Variants in CCDC149 observed in about 807,000 individuals in gnomAD.
CCDC149 encodes the protein coiled-coil domain-containing protein 149.
CCDC149 carries 45 observed loss-of-function variants against 59.9 expected under a neutral mutation model. The ratio of observed to expected loss-of-function variants is 0.75; its 90% CI spans 0.59 to 0.96. The LOEUF (loss-of-function observed/expected upper bound fraction) is 0.96. Ranked by LOEUF, CCDC149 falls within the 40% of genes least tolerant of loss-of-function variation. CCDC149 has a pLI of 0.00. For synonymous variants in CCDC149, 245 were observed against 260.6 expected, an observed-to-expected ratio of 0.94 and a Z score of 0.58; for missense variants, 584 against 664.7, an observed-to-expected ratio of 0.88 and a Z score of 1.33.
At chr4:24,820,058 A>G (rs997368278) in intron 11 of CCDC149, 83 bp from the exon 12 acceptor site, 1 of 959,968 alleles carries the variant, frequency 1.0e-6, no homozygotes, top group Non-Finnish European at 1.6e-6. Flanking sequence ...TAATCGGCAC[A>G]GGGCTGGCTA....
chr4:24,925,917 G>T (rs1025300685), intron 1 of CCDC149, among the ~76,000 whole-genome samples: 1 of 152,106 alleles, frequency 6.6e-6, no homozygotes, highest in Non-Finnish European at 1.5e-5. Context: ...ATTCTTGGCC[G>T]GGCATGGTGG....
chr4:24,916,789 T>G (rs987206586), upstream of CCDC149, among the ~76,000 whole-genome samples: 2 of 109,198 alleles, frequency 1.8e-5, no homozygotes, highest in African/African-American at 8.7e-5. Flanking sequence ...TTTATAATGG[T>G]GTGTGTGTGT....
rs1560264782 is a variant in CCDC149 at position 24,943,891 on chromosome 4, AG to A, written c.-65+36177del. Among the ~76,000 whole-genome samples the A allele has an allele frequency of 2.0e-5, 3 of 152,242 alleles. 1 individual carries two copies. In the East Asian group the frequency reaches 5.8e-4, roughly 29 times the overall value. On this transcript the variant is annotated intron_variant, in intron 1 of 12. Transcript: ENST00000389609. ...CCAGTTAGAATGGTGATCATTAAAAAGTCAGGAAACAGGTGCTGGAGAGGAT... is the reference window on the plus strand; with the variant it reads ...CCAGTTAGAATGGTGATCATTAAAAATCAGGAAACAGGTGCTGGAGAGGAT...
chr4:24,911,875 T>C (rs913345363), intron 1 of CCDC149, among the ~76,000 whole-genome samples: 1 of 152,228 alleles, frequency 6.6e-6, no homozygotes, highest in Admixed American at 6.5e-5. Flanking sequence ...CGATACACTC[T>C]GCATTGTGTG....
At chr4:24,912,661 C>G (rs910710879) in intron 1 of CCDC149, among the ~76,000 whole-genome samples, 156 bp downstream of exon 1, 4 of 152,104 alleles carry the variant, frequency 2.6e-5, no homozygotes, top group South Asian at 4.1e-4. Context: ...GGAGGAGCGG[C>G]GCACCTGGCG....
In CCDC149 at chr4:24,933,549, A is replaced by G. The variant is rs569559685; in HGVS notation, c.-64-38431T>C. The stretch of plus-strand genomic sequence containing the variant: ...GGGTTCTTAGTATTTATTTTATTCA[A>G]GAAATATTTATTAAGTCCTGAAATA... On this transcript the variant is annotated intron_variant, in intron 1 of 12. Transcript: ENST00000389609. 4.6e-5 allele frequency among the ~76,000 whole-genome samples: 7 copies of G among 152,324 alleles called. No homozygotes were observed. The South Asian group carries it at 1.4e-3, about 32-fold the overall frequency.
chr4:24,959,035 G>A (rs1425926048), intron 1 of CCDC149, among the ~76,000 whole-genome samples: 6 of 152,140 alleles, frequency 3.9e-5, no homozygotes, highest in Non-Finnish European at 7.4e-5. Context: ...CTGCAGTGGC[G>A]CGATCTTGGC....
chr4:24,823,975 A>C (rs1715567999), intron 9 of CCDC149, among the ~76,000 whole-genome samples: 1 of 152,112 alleles, frequency 6.6e-6, no homozygotes, highest in Admixed American at 6.5e-5. Flanking sequence ...AGACCTTCTG[A>C]TCCAAGCTCC....
At chr4:24,904,930 C>T (rs1721382584) in intron 1 of CCDC149, among the ~76,000 whole-genome samples, 3 of 152,082 alleles carry the variant, frequency 2.0e-5, no homozygotes, top group South Asian at 2.1e-4. Context: ...GAGATGGAGT[C>T]GCACTCTGTC....
At chr4:24,813,520 ATATAT>A (rs1474363529) in intron 12 of CCDC149, among the ~76,000 whole-genome samples, 1 of 108,862 alleles carries the variant, frequency 9.2e-6, no homozygotes, top group Non-Finnish European at 1.9e-5. Context: ...ATATATATAT[ATATAT>A]ATAAAACCTA....
chr4:24,889,853 A>G (rs994069131), intron 1 of CCDC149, among the ~76,000 whole-genome samples: 1 of 151,740 alleles, frequency 6.6e-6, no homozygotes, highest in African/African-American at 2.4e-5. Context: ...ATACCCTAAC[A>G]CCCCTATTAC....
rs1265430517 is a variant in CCDC149, at chr4:24,808,741, G to A, written c.1271C>T (p.Pro424Leu). Reference sequence around the variant, plus strand: ...CTGATTTGCTGGGGAGTTGACAGCGGGCCTCCCAGCATCCTCAGGCGCTGT... The same window carrying A: ...CTGATTTGCTGGGGAGTTGACAGCGAGCCTCCCAGCATCCTCAGGCGCTGT... Residue 424 changes from proline (P) to leucine (L), a missense_variant, in exon 13 of 13, where the codon CCC becomes CTC. Coordinates refer to ENST00000635206, the MANE Select transcript of CCDC149 (RefSeq NM_001330643.2). 1 of 1,551,988 alleles carries A rather than the reference G, an allele frequency of 6.4e-7. No individual in the cohort carries two copies. Among genetic ancestry groups the A allele is most frequent in the South Asian group, 1.2e-5 (1 of 84,054 alleles).
intron 2 of CCDC149, 55 bp downstream of exon 2, chr4:24,876,481 T>C (rs1470304983): frequency 1.3e-6 from 2 of 1,523,690 alleles, no homozygotes; most frequent in African/African-American, 1.4e-5. Context: ...AAAATCTCTT[T>C]ATATCTTAAT....
intron 1 of CCDC149, among the ~76,000 whole-genome samples, chr4:24,973,432 G>T (rs908869201): frequency 6.6e-6 from 1 of 152,136 alleles, no homozygotes; most frequent in Non-Finnish European, 1.5e-5. Flanking sequence ...TAAGTATATG[G>T]AGTTTACTGT....
intron 1 of CCDC149, among the ~76,000 whole-genome samples, chr4:24,966,800 G>A (rs536359704): frequency 1.1e-4 from 16 of 152,310 alleles, no homozygotes; most frequent in African/African-American, 3.6e-4. Context: ...CTGCAGCCAG[G>A]TAGAAATGTA....
intron 12 of CCDC149, among the ~76,000 whole-genome samples, chr4:24,818,786 T>C (rs1312361945): frequency 6.6e-6 from 1 of 152,216 alleles, no homozygotes; most frequent in African/African-American, 2.4e-5. Flanking sequence ...ACAAGTCTCA[T>C]GTCTTTTATG....
At chr4:24,850,451 C>G (rs902222494) in intron 4 of CCDC149, among the ~76,000 whole-genome samples, 2 of 148,074 alleles carry the variant, frequency 1.4e-5, no homozygotes, top group East Asian at 3.9e-4. Context: ...AGGAGCAGAG[C>G]TTGCAGGGGA....
At position 24,808,352 on chromosome 4, in the gene CCDC149, G is replaced by A; in HGVS notation, c.*37C>T. ...TGCTTCATTCTTGACCCTCTCTGGG[G>A]CTTTCAATGTGTCATTGTGTCAGAT... On this transcript the variant is annotated 3_prime_UTR_variant, in exon 13 of 13. Coordinates refer to ENST00000635206, the MANE Select transcript of CCDC149 (RefSeq NM_001330643.2). 1.4e-6 allele frequency: 2 copies of A among 1,432,608 alleles called. No homozygotes were observed. The highest frequency in any genetic ancestry group is 1.8e-6 in the Non-Finnish European group (2 of 1,088,954). The allele number at this position is 1,432,608 out of a possible 1,614,324, so 88.7% of individuals were successfully genotyped here. A position where few individuals can be genotyped will look rare whatever the true frequency, so the allele number is the denominator to read the frequency against.
At chr4:24,882,627 T>C (rs569892812) in intron 1 of CCDC149, among the ~76,000 whole-genome samples, 1 of 152,352 alleles carries the variant, frequency 6.6e-6, no homozygotes, top group African/African-American at 2.4e-5. Context: ...TCTATGGCCT[T>C]TATCCATGGA....
Sources: allele counts gnomAD v4.1 joint callset (sites outside exome capture counted in the v4.1 genomes callset), GRCh38; gene constraint gnomAD v4.1.1; transcripts MANE v1.5; gene names NCBI Gene and HGNC (gene_info 2026-07-23, HGNC 2026-07-21).